The following GALNTL6 variants were observed in gnomAD, a reference collection of about 807,000 sequenced individuals.
GALNTL6 encodes polypeptide N-acetylgalactosaminyltransferase-like 6.
A neutral mutation model predicts 73.7 loss-of-function variants in GALNTL6; 46 were observed. That is an observed-to-expected ratio of 0.62 (90% CI 0.49 to 0.80). GALNTL6 has a LOEUF of 0.80. GALNTL6 is among the 30% of genes least tolerant of loss of function. The pLI, the probability that GALNTL6 is intolerant of heterozygous loss-of-function variation, is 0.00. For synonymous variants in GALNTL6, 259 were observed against 263.7 expected, an observed-to-expected ratio of 0.98 and a Z score of 0.17; for missense variants, 604 against 755.0, an observed-to-expected ratio of 0.80 and a Z score of 2.34.
chr4:171,831,505 T>C (rs1166315962), intron 2 of GALNTL6, among the ~76,000 whole-genome samples: 1 of 152,002 alleles, frequency 6.6e-6, no homozygotes, highest in East Asian at 1.9e-4. Context: ...AACTTTTCAT[T>C]TTTAAACTTT....
chr4:172,204,896 G>C (rs1736058857), intron 2 of GALNTL6, among the ~76,000 whole-genome samples: 1 of 152,110 alleles, frequency 6.6e-6, no homozygotes, highest in Admixed American at 6.6e-5. Flanking sequence ...CTATACAGCT[G>C]TATCAACTGT....
chr4:172,629,652 CACCA>C (rs1301701519), intron 5 of GALNTL6, among the ~76,000 whole-genome samples: 21 of 152,172 alleles, frequency 1.4e-4, no homozygotes, highest in Admixed American at 1.2e-3. Flanking sequence ...GCTGCTTATA[CACCA>C]ACCATCAATG....
chr4:172,942,813 A>G (rs1360784174), intron 9 of GALNTL6, among the ~76,000 whole-genome samples: 2 of 152,178 alleles, frequency 1.3e-5, no homozygotes, highest in Non-Finnish European at 2.9e-5. Flanking sequence ...CAGTCATTAA[A>G]GTGCCAGAAC....
At chr4:172,121,865 T>C (rs962229944) in intron 2 of GALNTL6, among the ~76,000 whole-genome samples, 1 of 151,722 alleles carries the variant, frequency 6.6e-6, no homozygotes, top group Non-Finnish European at 1.5e-5. Flanking sequence ...AGTGATATGA[T>C]AATCTCAGTT....
chr4:172,443,592 T>C (rs1221427570), intron 5 of GALNTL6, among the ~76,000 whole-genome samples: 1 of 152,124 alleles, frequency 6.6e-6, no homozygotes, highest in Non-Finnish European at 1.5e-5. Context: ...ATAGCCCCTT[T>C]TTATATGTGA....
At chr4:171,943,839 C>T (rs142990890) in intron 2 of GALNTL6, among the ~76,000 whole-genome samples, 165 of 152,076 alleles carry the variant, frequency 1.1e-3, no homozygotes, top group Non-Finnish European at 1.9e-3. Flanking sequence ...TTTCTTCCTA[C>T]GGGTAGGCTT....
At chr4:171,853,746 G>A (rs796387474) in intron 2 of GALNTL6, among the ~76,000 whole-genome samples, 29 of 150,944 alleles carry the variant, frequency 1.9e-4, no homozygotes, top group African/African-American at 5.3e-4. Context: ...TGAGTAGCTG[G>A]GACTACAGGT....
chr4:172,447,074 A>G (rs1312344351), intron 5 of GALNTL6, among the ~76,000 whole-genome samples: 2 of 152,150 alleles, frequency 1.3e-5, no homozygotes, highest in Non-Finnish European at 2.9e-5. Context: ...TTTGTAGAAG[A>G]GAAGATAGGT....
intron 2 of GALNTL6, among the ~76,000 whole-genome samples, chr4:172,097,170 T>C (rs1317740239): frequency 6.6e-6 from 1 of 152,208 alleles, no homozygotes; most frequent in Non-Finnish European, 1.5e-5. Context: ...TATTACCCAC[T>C]TCTATTCTTT....
intron 10 of GALNTL6, among the ~76,000 whole-genome samples, chr4:172,953,275 C>T (rs1358538358): frequency 6.6e-6 from 1 of 152,160 alleles, no homozygotes; most frequent in African/African-American, 2.4e-5. Flanking sequence ...AGCCTTTCTC[C>T]GTAGAATAGA....
intron 5 of GALNTL6, among the ~76,000 whole-genome samples, chr4:172,738,024 GCTGGAGATGGTAGTC>G (rs999650024): frequency 4.6e-5 from 7 of 152,162 alleles, no homozygotes; most frequent in African/African-American, 1.7e-4. Flanking sequence ...GAGTTTCTGA[GCTGGAGATGGTAGTC>G]CTGCCTACTT....
intron 3 of GALNTL6, among the ~76,000 whole-genome samples, chr4:172,244,236 T>A (rs1188949442): frequency 6.6e-6 from 1 of 152,134 alleles, no homozygotes; most frequent in African/African-American, 2.4e-5. Flanking sequence ...GAAAAGAGAT[T>A]GTGAGCATTC....
At chr4:172,644,568 A>G (rs1029495573) in intron 5 of GALNTL6, among the ~76,000 whole-genome samples, 2 of 151,968 alleles carry the variant, frequency 1.3e-5, no homozygotes, top group African/African-American at 4.8e-5. Flanking sequence ...TGCATGTAGC[A>G]GTCATTTTTA....
At chr4:172,754,360 C>T (rs1348580391) in intron 5 of GALNTL6, among the ~76,000 whole-genome samples, 1 of 152,090 alleles carries the variant, frequency 6.6e-6, no homozygotes, top group Non-Finnish European at 1.5e-5. Context: ...CACCTGAGGT[C>T]AGGAGTTCAA....
At chr4:172,454,639 T>G (rs1732325674) in intron 5 of GALNTL6, among the ~76,000 whole-genome samples, 1 of 152,230 alleles carries the variant, frequency 6.6e-6, no homozygotes, top group African/African-American at 2.4e-5. Context: ...AGAATAAACT[T>G]GTCACTGCTG....
At chr4:172,125,446 C>A (rs1733267898) in intron 2 of GALNTL6, among the ~76,000 whole-genome samples, 1 of 152,050 alleles carries the variant, frequency 6.6e-6, no homozygotes, top group South Asian at 2.1e-4. Context: ...TTCAAGAAAC[C>A]TTATTGTTTG....
At chr4:172,739,703 C>A (rs1461433181) in intron 5 of GALNTL6, among the ~76,000 whole-genome samples, 2 of 152,022 alleles carry the variant, frequency 1.3e-5, no homozygotes, top group Non-Finnish European at 2.9e-5. Flanking sequence ...TCTCAGCAAG[C>A]CTCTCTTCAA....
intron 2 of GALNTL6, among the ~76,000 whole-genome samples, chr4:172,197,420 T>C (rs1229205555): frequency 6.6e-6 from 1 of 152,124 alleles, no homozygotes; most frequent in Non-Finnish European, 1.5e-5. Context: ...TTGACATTCT[T>C]CACAGAATTA....
chr4:172,226,899 G>T (rs559023104), intron 2 of GALNTL6, among the ~76,000 whole-genome samples: 3 of 151,920 alleles, frequency 2.0e-5, no homozygotes, highest in African/African-American at 7.3e-5. Context: ...CTGTATCTCC[G>T]AAGGAACTTT....
Sources: allele counts gnomAD v4.1 joint callset (sites outside exome capture counted in the v4.1 genomes callset), GRCh38; gene constraint gnomAD v4.1.1; transcripts MANE v1.5; gene names NCBI Gene and HGNC (gene_info 2026-07-23, HGNC 2026-07-21).